The following PGS1 variants were observed in gnomAD, a reference collection of about 807,000 sequenced individuals.
The protein encoded by PGS1 is phosphatidylglycerophosphate synthase 1.
A neutral mutation model predicts 58.3 loss-of-function variants in PGS1; 44 were observed. The ratio of observed to expected loss-of-function variants is 0.75; its 90% CI spans 0.59 to 0.97. The LOEUF is 0.97. Among genes scored for constraint, PGS1 ranks in the 50% least tolerant of loss-of-function variants. The pLI, the probability that PGS1 is intolerant of heterozygous loss-of-function variation, is 0.00. For synonymous variants in PGS1, 330 were observed against 311.0 expected (o/e 1.06, Z -0.64); for missense variants, 684 against 731.1 (o/e 0.94, Z 0.74).
chr17:78,389,131 C>T (rs186963582), intron 1 of PGS1, among the ~76,000 whole-genome samples: 19 of 131,838 alleles, frequency 1.4e-4, no homozygotes, highest in African/African-American at 5.0e-4. Flanking sequence ...GGTGTGATCT[C>T]GGCTCACTGC....
At chr17:78,420,209 TAC>T (rs750968379) in intron 9 of PGS1, 20 of 998,064 alleles carry the variant, frequency 2.0e-5, no homozygotes, top group Non-Finnish European at 2.4e-5. Flanking sequence ...GTGCTGCGGT[TAC>T]AGAGCTGCGC....
In PGS1 at chr17:78,403,932, G is replaced by C; in HGVS notation, c.1245G>C (p.Val415=). 6.2e-7 allele frequency: 1 copy of C among 1,614,226 alleles called. No homozygotes were observed. Among genetic ancestry groups the C allele is most frequent in the Non-Finnish European group, 8.5e-7 (1 of 1,180,034 alleles). Reference sequence around the variant, plus strand: ...AGATCCTGCTGGCCTCACCAGAGGTGAATGGCTTCTTTGGGGCCAAGGGGG... The same window carrying C: ...AGATCCTGCTGGCCTCACCAGAGGTCAATGGCTTCTTTGGGGCCAAGGGGG... ...EYQILLASPE[V]NGFFGAKGVA... is the part of the protein sequence containing the mutation. The change falls in exon 7 of 10, where the codon GTG becomes GTC. Residue 415 remains valine (V), a synonymous_variant. Coordinates refer to ENST00000262764, the MANE Select transcript of PGS1 (RefSeq NM_024419.5).
chr17:78,386,191 A>G (rs1377378067), intron 1 of PGS1, among the ~76,000 whole-genome samples: 1 of 152,156 alleles, frequency 6.6e-6, no homozygotes, highest in Non-Finnish European at 1.5e-5. Context: ...TCCTCTGAGA[A>G]GATGCTGGTC....
intron 1 of PGS1, among the ~76,000 whole-genome samples, chr17:78,384,270 C>A (rs971564245): frequency 2.0e-5 from 3 of 152,132 alleles, no homozygotes; most frequent in Non-Finnish European, 4.4e-5. Flanking sequence ...CTACGGGAAT[C>A]CACACTCATT....
intron 8 of PGS1, among the ~76,000 whole-genome samples, chr17:78,418,429 G>A (rs1394256750): frequency 6.6e-6 from 1 of 152,152 alleles, no homozygotes; most frequent in Admixed American, 6.5e-5. Flanking sequence ...TGTCGTGTGT[G>A]TGTATTTCGT....
At chr17:78,420,084 C>T (rs944701237) in intron 9 of PGS1, 9 of 1,055,530 alleles carry the variant, frequency 8.5e-6, no homozygotes, top group East Asian at 8.0e-5. Flanking sequence ...GAGGGGAGCA[C>T]GTTTGCTCGT....
At chr17:78,384,638 G>C (rs569242332) in intron 1 of PGS1, among the ~76,000 whole-genome samples, 3 of 152,290 alleles carry the variant, frequency 2.0e-5, no homozygotes, top group Admixed American at 1.3e-4. Flanking sequence ...CCACGCCTCT[G>C]AGGGACACTG....
At chr17:78,414,357 C>G (rs1598377000) in intron 7 of PGS1, among the ~76,000 whole-genome samples, 1 of 152,216 alleles carries the variant, frequency 6.6e-6, no homozygotes, top group Non-Finnish European at 1.5e-5. Flanking sequence ...GTGTTGCGCG[C>G]TGAGGTGGCT....
intron 7 of PGS1, among the ~76,000 whole-genome samples, chr17:78,411,092 A>G (rs2084648867): frequency 1.3e-5 from 2 of 152,196 alleles, no homozygotes; most frequent in African/African-American, 2.4e-5. Context: ...GCTGAGGAGT[A>G]GACACTCGGG....
chr17:78,417,859 G>A (rs1474625724), intron 8 of PGS1, among the ~76,000 whole-genome samples: 1 of 151,380 alleles, frequency 6.6e-6, no homozygotes, highest in Non-Finnish European at 1.5e-5. Context: ...GAGAGCACTT[G>A]GAGGGCAGAC....
At position 78,378,765 on chromosome 17, in the gene PGS1, C is replaced by A; in HGVS notation, c.100C>A (p.Leu34Met). 1 of 1,494,772 alleles carries A rather than the reference C, an allele frequency of 6.7e-7. No homozygotes were observed. The allele number at this position is 1,494,772 out of a possible 1,614,324, so 92.6% of individuals were successfully genotyped here. The change falls in exon 1 of 10, where the codon CTG (leucine) becomes ATG (methionine). Residue 34 changes from leucine (L) to methionine (M), a missense_variant. Transcript: ENST00000262764. Reference protein sequence around the residue: ...RPGLAALLGRLSDRLGRNRDR... With the variant: ...RPGLAALLGRMSDRLGRNRDR... ...AGGGCTGGCCGCGCTCCTGGGACGC[C>A]TGTCCGACCGCCTCGGCAGGAACCG... is the stretch of plus-strand genomic sequence containing the variant.
At position 78,400,893 on chromosome 17, in the gene PGS1, T is replaced by TG; in HGVS notation, c.880+42dup. ...GCTGACACCCTTCTATGGCTGTGGG[T>TG]GGGGTGGAGTGAGGGCCCGGGAGAG... On this transcript the variant is annotated intron_variant, in intron 6 of 9. Coordinates refer to ENST00000262764, the MANE Select transcript of PGS1 (RefSeq NM_024419.5). The surrounding 1 kb of genome is among the most constrained non-coding windows in gnomAD (Gnocchi z 4.4). 2.6e-6 allele frequency: 4 copies of TG among 1,520,132 alleles called. No individual in the cohort carries two copies. The highest frequency in any genetic ancestry group is 3.6e-6 in the Non-Finnish European group (4 of 1,123,930). 94.2% of individuals were successfully genotyped at this position (1,520,132 alleles called of 1,614,324 possible).
At chr17:78,415,832 T>G (rs551597840) in intron 8 of PGS1, among the ~76,000 whole-genome samples, 2 of 152,334 alleles carry the variant, frequency 1.3e-5, no homozygotes, top group Admixed American at 6.5e-5. Context: ...CGATGGTGCC[T>G]TGGGCTCATG....
intron 1 of PGS1, among the ~76,000 whole-genome samples, chr17:78,390,237 C>G (rs368053744): frequency 6.6e-6 from 1 of 152,102 alleles, no homozygotes; most frequent in East Asian, 1.9e-4. Flanking sequence ...TTTGGGAAAC[C>G]CAGGCAGCGA....
intron 7 of PGS1, among the ~76,000 whole-genome samples, chr17:78,405,060 C>T (rs1160555928): frequency 6.6e-6 from 1 of 151,918 alleles, no homozygotes. Flanking sequence ...TGCAGTGGCA[C>T]GATCTCAGCT....
chr17:78,420,053 C>G, intron 9 of PGS1: 1 of 1,083,592 alleles, frequency 9.2e-7, no homozygotes, highest in Non-Finnish European at 1.1e-6. Context: ...CACACTGGTG[C>G]AGGAGATGTA....
At chr17:78,412,293 A>G (rs181383609) in intron 7 of PGS1, among the ~76,000 whole-genome samples, 6 of 152,234 alleles carry the variant, frequency 3.9e-5, no homozygotes, top group Admixed American at 3.9e-4. Flanking sequence ...TTGCAGTGCA[A>G]ATAATTCTGG....
At chr17:78,389,099 C>T (rs1405466296) in intron 1 of PGS1, among the ~76,000 whole-genome samples, 1 of 124,206 alleles carries the variant, frequency 8.1e-6, no homozygotes, top group Non-Finnish European at 1.6e-5. Context: ...GTCTTCCTCT[C>T]TCACCCAGGT....
In PGS1 at chr17:78,385,853, G is replaced by A. The variant is rs561235034; in HGVS notation, c.144-6623G>A. Among the ~76,000 whole-genome samples the A allele has an allele frequency of 1.8e-4, 28 of 152,348 alleles. No homozygotes were observed. The South Asian group carries it at 5.6e-3, about 30-fold the overall frequency. ...TCTCATGGGGGCAAGTGTGTGCAGG[G>A]CGCGTTGTCCTGCCTGGGGCTGCCT... On this transcript the variant is annotated intron_variant, in intron 1 of 9. Coordinates refer to ENST00000262764, the MANE Select transcript of PGS1 (RefSeq NM_024419.5).
Sources: allele counts gnomAD v4.1 joint callset (sites outside exome capture counted in the v4.1 genomes callset), GRCh38; gene constraint gnomAD v4.1.1; non-coding constraint Gnocchi (gnomAD v3.1); transcripts MANE v1.5; gene names NCBI Gene and HGNC (gene_info 2026-07-23, HGNC 2026-07-21).